MDGA2: variants seen among roughly 807,000 people sequenced by gnomAD.
MDGA2 encodes MAM domain containing glycosylphosphatidylinositol anchor 2.
Under a neutral mutation model 117.8 loss-of-function variants are expected in MDGA2, and 40 were observed. The ratio of observed to expected loss-of-function variants is 0.34; its 90% CI spans 0.26 to 0.44. MDGA2 has a LOEUF of 0.44. MDGA2 is among the 20% of genes least tolerant of loss of function. The probability of loss-of-function intolerance (pLI) is 1.00; values close to 1 mark genes in which losing one functional copy is unlikely to be tolerated. For synonymous variants in MDGA2, 452 were observed against 439.0 expected, an observed-to-expected ratio of 1.03 and a Z score of -0.37; for missense variants, 1,123 against 1,250.6, an observed-to-expected ratio of 0.90 and a Z score of 1.54.
intron 6 of MDGA2, among the ~76,000 whole-genome samples, chr14:47,092,693 G>C (rs1015637764): frequency 4.6e-5 from 7 of 152,062 alleles, no homozygotes; most frequent in African/African-American, 1.4e-4. Flanking sequence ...AGAGAACAGA[G>C]GTAGTACACT....
chr14:47,236,290 C>CAAAAA (rs5808383), intron 2 of MDGA2, among the ~76,000 whole-genome samples: 122 of 67,192 alleles, frequency 1.8e-3, no homozygotes, highest in Non-Finnish European at 2.2e-3. Context: ...GACTCCGCCT[C>CAAAAA]AAAAAAAAAA....
chr14:47,529,313 T>A (rs890293461), intron 1 of MDGA2, among the ~76,000 whole-genome samples: 1 of 152,218 alleles, frequency 6.6e-6, no homozygotes, highest in Non-Finnish European at 1.5e-5. Flanking sequence ...TTAGAAATTC[T>A]ATCATGAGCA....
chr14:46,929,580 C>CGTGTGTGTGTGTGTGTGTGT (rs375013114), intron 9 of MDGA2, among the ~76,000 whole-genome samples: 5 of 33,004 alleles, frequency 1.5e-4, no homozygotes, highest in Admixed American at 5.5e-4. Context: ...AGTATATATA[C>CGTGTGTGTGTGTGTGTGTGT]GTGTGTGTGT....
At chr14:47,511,776 A>T (rs1707479745) in intron 1 of MDGA2, among the ~76,000 whole-genome samples, 1 of 152,184 alleles carries the variant, frequency 6.6e-6, no homozygotes, top group African/African-American at 2.4e-5. Flanking sequence ...TAGAAATATC[A>T]ATGCAACTGG....
chr14:47,157,132 A>T (rs537968695), intron 3 of MDGA2, among the ~76,000 whole-genome samples: 1 of 152,330 alleles, frequency 6.6e-6, no homozygotes, highest in Admixed American at 6.5e-5. Context: ...TCGATGGGAA[A>T]TTTTGTTCAA....
intron 13 of MDGA2, 106 bp from the exon 14 acceptor site, chr14:46,873,697 G>T: frequency 9.7e-7 from 1 of 1,028,016 alleles, no homozygotes; most frequent in Non-Finnish European, 1.4e-6. Flanking sequence ...AAGATGGATA[G>T]GAAGATTTGC....
chr14:47,015,173 T>G (rs1030163766), intron 8 of MDGA2, among the ~76,000 whole-genome samples: 2 of 152,106 alleles, frequency 1.3e-5, no homozygotes, highest in Admixed American at 1.3e-4. Context: ...ATGGGTGTGG[T>G]TCATGGCACC....
At chr14:47,595,796 T>G (rs1183507914) in intron 1 of MDGA2, among the ~76,000 whole-genome samples, 1 of 152,188 alleles carries the variant, frequency 6.6e-6, no homozygotes, top group Non-Finnish European at 1.5e-5. Context: ...TAGTGATCTC[T>G]GCCCCATAAC....
At chr14:47,177,261 G>A (rs1884500928) in intron 3 of MDGA2, among the ~76,000 whole-genome samples, 1 of 151,880 alleles carries the variant, frequency 6.6e-6, no homozygotes, top group African/African-American at 2.4e-5. Context: ...CAGGGATCTA[G>A]AACTAGAAAT....
At chr14:47,301,679 G>A (rs1009354105) in intron 1 of MDGA2, 129 bp from the exon 2 acceptor site, 2 of 904,252 alleles carry the variant, frequency 2.2e-6, no homozygotes, top group African/African-American at 1.7e-5. Context: ...AGATTCATCA[G>A]TCTTAACACC....
At chr14:47,442,265 G>A (rs1893028612) in intron 1 of MDGA2, among the ~76,000 whole-genome samples, 1 of 152,118 alleles carries the variant, frequency 6.6e-6, no homozygotes, top group South Asian at 2.1e-4. Context: ...TTAGTGTCAG[G>A]TAGTGTTCCA....
At chr14:46,942,911 T>C (rs1301785499) in intron 9 of MDGA2, among the ~76,000 whole-genome samples, 1 of 151,784 alleles carries the variant, frequency 6.6e-6, no homozygotes, top group African/African-American at 2.4e-5. Context: ...GGTAAATTAA[T>C]TTACTTAATA....
chr14:47,129,725 C>G (rs1325385462), intron 5 of MDGA2, among the ~76,000 whole-genome samples: 7 of 143,404 alleles, frequency 4.9e-5, no homozygotes, highest in South Asian at 4.5e-4. Flanking sequence ...AAAAGTGTTC[C>G]TATTTCTCCA....
chr14:47,382,289 C>T (rs1891653125), intron 1 of MDGA2, among the ~76,000 whole-genome samples: 1 of 152,174 alleles, frequency 6.6e-6, no homozygotes, highest in Admixed American at 6.5e-5. Context: ...AGGACATAGG[C>T]ATGGGCAAGT....
chr14:47,573,221 G>T (rs953662922), intron 1 of MDGA2, among the ~76,000 whole-genome samples: 2 of 152,108 alleles, frequency 1.3e-5, no homozygotes, highest in Non-Finnish European at 2.9e-5. Context: ...TCAATGAAAA[G>T]ATGAGAGTTG....
chr14:46,977,765 T>A (rs564356371), intron 8 of MDGA2, among the ~76,000 whole-genome samples: 4 of 151,864 alleles, frequency 2.6e-5, no homozygotes, highest in Admixed American at 1.3e-4. Context: ...GGTATAAAAC[T>A]TTTCAGAAAT....
chr14:46,877,401 G>C, intron 12 of MDGA2, 88 bp downstream of exon 12: 3 of 708,362 alleles, frequency 4.2e-6, no homozygotes, highest in Non-Finnish European at 6.7e-6. Context: ...ACTAAGAATA[G>C]TTACTAAACA....
chr14:47,461,213 A>G (rs1339344757), intron 1 of MDGA2, among the ~76,000 whole-genome samples: 1 of 151,854 alleles, frequency 6.6e-6, no homozygotes, highest in Non-Finnish European at 1.5e-5. Context: ...TACTTCAATG[A>G]AAGAGTCAAA....
chr14:47,270,530 T>C (rs1441651312), intron 2 of MDGA2, among the ~76,000 whole-genome samples: 2 of 152,184 alleles, frequency 1.3e-5, no homozygotes, highest in South Asian at 2.1e-4. Flanking sequence ...TTAATGTTAA[T>C]GGGGAAAAGG....
Sources: gnomAD v4.1 joint callset for allele counts (sites outside exome capture counted in the v4.1 genomes callset) on GRCh38, gnomAD v4.1.1 for gene constraint, MANE v1.5 for transcripts, NCBI Gene and HGNC (gene_info 2026-07-23, HGNC 2026-07-21) for gene names.